C9orf85: variants seen among roughly 807,000 people sequenced by gnomAD.
The protein encoded by C9orf85 is chromosome 9 open reading frame 85.
Under a neutral mutation model 14.9 loss-of-function variants are expected in C9orf85, and 16 were observed. That is an observed-to-expected ratio of 1.08 (90% CI 0.73 to 1.63). The LOEUF (loss-of-function observed/expected upper bound fraction) is 1.63, where lower values mean the gene tolerates loss of function less well. C9orf85 is among the 40% of genes most tolerant of loss of function. The pLI is 0.00. For missense variants in C9orf85, 172 were observed against 186.1 expected (o/e 0.92, Z 0.44); for synonymous variants, 45 against 56.8 (o/e 0.79, Z 0.93).
At chr9:71,957,826 G>C (rs1479305547) in intron 2 of C9orf85, among the ~76,000 whole-genome samples, 1 of 152,144 alleles carries the variant, frequency 6.6e-6, no homozygotes, top group Non-Finnish European at 1.5e-5. Context: ...CCATGATACA[G>C]CATCACTTCC....
At chr9:71,924,284 T>C (rs1396231582) in intron 1 of C9orf85, among the ~76,000 whole-genome samples, 1 of 152,222 alleles carries the variant, frequency 6.6e-6, no homozygotes, top group Non-Finnish European at 1.5e-5. Flanking sequence ...TGGAATGACA[T>C]TTTTAGAACT....
intron 2 of C9orf85, among the ~76,000 whole-genome samples, chr9:71,948,811 ACGC>A (rs1206593974): frequency 7.2e-4 from 52 of 72,418 alleles, no homozygotes; most frequent in African/African-American, 2.8e-3. Flanking sequence ...GGCGTGAGCC[ACGC>A]CCCCCCCCCC....
intron 2 of C9orf85, among the ~76,000 whole-genome samples, chr9:71,949,309 T>C (rs549233437): frequency 2.0e-5 from 3 of 152,348 alleles, no homozygotes; most frequent in African/African-American, 7.2e-5. Flanking sequence ...TATTTAAATC[T>C]CTTACCTTTA....
chr9:71,976,988 C>T (rs1166155586), downstream of C9orf85, among the ~76,000 whole-genome samples: 2 of 152,060 alleles, frequency 1.3e-5, no homozygotes, highest in Admixed American at 1.3e-4. Context: ...CTGTTTCTAC[C>T]TGAATATGAT....
chr9:71,917,515 TTA>T (rs1191453306), intron 1 of C9orf85, among the ~76,000 whole-genome samples: 2 of 152,258 alleles, frequency 1.3e-5, no homozygotes, highest in Non-Finnish European at 2.9e-5. Flanking sequence ...ACACACACCT[TTA>T]TTCACAGTTG....
In C9orf85 at chr9:71,972,946, C is replaced by G; in HGVS notation, c.*104C>G. 2 of 828,734 alleles carry G rather than the reference C, an allele frequency of 2.4e-6. No homozygotes were observed. The highest frequency in any genetic ancestry group is 3.6e-6 in the Non-Finnish European group (2 of 561,300). The allele number at this position is 828,734 out of a possible 1,614,324, so 51.3% of individuals were successfully genotyped here. A position where few individuals can be genotyped will look rare whatever the true frequency, so the allele number is the denominator to read the frequency against. On this transcript the variant is annotated 3_prime_UTR_variant, in exon 4 of 4. Coordinates refer to ENST00000334731, the MANE Select transcript of C9orf85 (RefSeq NM_182505.5). ...ATCACCTGAGGTCAGGAGTTCGAGACCAGCCTGGCCAACATGGCGGAACCC... is the reference window on the plus strand; with the variant it reads ...ATCACCTGAGGTCAGGAGTTCGAGAGCAGCCTGGCCAACATGGCGGAACCC...
At chr9:71,939,190 T>G (rs1828270867) in intron 1 of C9orf85, among the ~76,000 whole-genome samples, 2 of 151,830 alleles carry the variant, frequency 1.3e-5, no homozygotes, top group Admixed American at 6.6e-5. Flanking sequence ...AAAAATAATA[T>G]ATATATACAA....
intron 1 of C9orf85, among the ~76,000 whole-genome samples, chr9:71,930,467 A>G (rs967823525): frequency 2.6e-5 from 4 of 152,006 alleles, no homozygotes; most frequent in African/African-American, 9.7e-5. Flanking sequence ...CACTTTCTGT[A>G]TATGATGATG....
At chr9:71,923,080 A>G (rs2132258451) in intron 1 of C9orf85, among the ~76,000 whole-genome samples, 1 of 152,290 alleles carries the variant, frequency 6.6e-6, no homozygotes, top group East Asian at 1.9e-4. Context: ...CAGTGAGCTG[A>G]GGTCGCGCCG....
chr9:71,936,833 A>C (rs1363626732), intron 1 of C9orf85, among the ~76,000 whole-genome samples: 1 of 141,254 alleles, frequency 7.1e-6, no homozygotes, highest in Non-Finnish European at 1.5e-5. Flanking sequence ...ATCACAGTTC[A>C]CTGCAGCCTT....
At chr9:71,922,459 T>C (rs1564082967) in intron 1 of C9orf85, among the ~76,000 whole-genome samples, 1 of 152,216 alleles carries the variant, frequency 6.6e-6, no homozygotes, top group Non-Finnish European at 1.5e-5. Context: ...TGGCTATTCC[T>C]GGGAGCACTG....
chr9:71,967,565 C>T (rs1299071083), intron 2 of C9orf85, among the ~76,000 whole-genome samples: 1 of 152,088 alleles, frequency 6.6e-6, no homozygotes, highest in East Asian at 1.9e-4. Flanking sequence ...TGTTTGTTTA[C>T]TGACCCCATA....
intron 1 of C9orf85, among the ~76,000 whole-genome samples, chr9:71,920,394 G>A (rs149712090): frequency 6.2e-4 from 95 of 152,136 alleles, no homozygotes; most frequent in Admixed American, 1.1e-3. Context: ...ATAAATTCAC[G>A]CTTAGAAACA....
intron 2 of C9orf85, among the ~76,000 whole-genome samples, chr9:71,966,870 T>C (rs1822706559): frequency 6.6e-6 from 1 of 152,212 alleles, no homozygotes; most frequent in Non-Finnish European, 1.5e-5. Context: ...AGTTGATCTT[T>C]CCTAGATCCA....
intron 1 of C9orf85, among the ~76,000 whole-genome samples, chr9:71,913,845 A>G (rs894230378): frequency 1.3e-5 from 2 of 152,120 alleles, no homozygotes; most frequent in African/African-American, 4.8e-5. Context: ...CCTGGGTCTC[A>G]GGTTCAGTCA....
At chr9:71,960,179 AT>A (rs1264624961) in intron 2 of C9orf85, among the ~76,000 whole-genome samples, 2 of 152,222 alleles carry the variant, frequency 1.3e-5, no homozygotes, top group Non-Finnish European at 2.9e-5. Context: ...AGTGGTATGA[AT>A]AATCACAGTG....
intron 2 of C9orf85, among the ~76,000 whole-genome samples, chr9:71,961,329 A>G (rs1325727693): frequency 6.6e-6 from 1 of 152,058 alleles, no homozygotes; most frequent in Non-Finnish European, 1.5e-5. Context: ...TGGGAGGCCA[A>G]GGCGGGTGGA....
At chr9:71,923,864 T>C (rs892630904) in intron 1 of C9orf85, among the ~76,000 whole-genome samples, 1 of 152,180 alleles carries the variant, frequency 6.6e-6, no homozygotes, top group Non-Finnish European at 1.5e-5. Context: ...TTCCTTAGAT[T>C]GTTCATGCTT....
At chr9:71,960,277 C>T (rs1397401682) in intron 2 of C9orf85, among the ~76,000 whole-genome samples, 5 of 152,138 alleles carry the variant, frequency 3.3e-5, no homozygotes, top group Non-Finnish European at 2.9e-5. Flanking sequence ...CAGATAATCC[C>T]GGGCTGTCTT....
Sources: gnomAD v4.1 joint callset for allele counts (sites outside exome capture counted in the v4.1 genomes callset) on GRCh38, gnomAD v4.1.1 for gene constraint, MANE v1.5 for transcripts, NCBI Gene and HGNC (gene_info 2026-07-23, HGNC 2026-07-21) for gene names.